Variants in PRKAG2 observed in about 807,000 individuals in gnomAD.
PRKAG2 encodes the protein protein kinase AMP-activated non-catalytic subunit gamma 2.
Under a neutral mutation model 69.6 loss-of-function variants are expected in PRKAG2, and 26 were observed. The ratio of observed to expected loss-of-function variants is 0.37; its 90% CI spans 0.27 to 0.52. The LOEUF is 0.52. Ranked by LOEUF, PRKAG2 falls within the 20% of genes least tolerant of loss-of-function variation. The pLI is 0.90. For missense variants in PRKAG2, 557 were observed against 740.0 expected, an observed-to-expected ratio of 0.75 and a Z score of 2.87; for synonymous variants, 293 against 285.0, an observed-to-expected ratio of 1.03 and a Z score of -0.28.
intron 1 of PRKAG2, among the ~76,000 whole-genome samples, chr7:151,802,958 A>G (rs751726402): frequency 7.6e-5 from 10 of 132,370 alleles, no homozygotes; most frequent in Non-Finnish European, 1.2e-4. Flanking sequence ...TGATATATAT[A>G]TATATTTTTT....
chr7:151,839,271 G>C (rs1375737336), intron 1 of PRKAG2, among the ~76,000 whole-genome samples: 1 of 152,218 alleles, frequency 6.6e-6, no homozygotes, highest in Non-Finnish European at 1.5e-5. Context: ...GCCTGCAGAA[G>C]GAAGGAAAGT....
intron 3 of PRKAG2, among the ~76,000 whole-genome samples, chr7:151,778,918 C>T (rs1334186078): frequency 6.6e-6 from 1 of 151,400 alleles, no homozygotes; most frequent in African/African-American, 2.5e-5. Context: ...TGTGTACACA[C>T]ATACATATAT....
rs1026761226 is a variant in PRKAG2, at chr7:151,807,246, C to T, written c.115-20705G>A. The T allele has an allele frequency of 1.6e-5, 6 of 374,428 alleles. No homozygotes were observed. The highest frequency in any genetic ancestry group is 3.3e-5 in the Admixed American group (1 of 30,588). The allele number at this position is 374,428 out of a possible 1,614,324, so 23.2% of individuals were successfully genotyped here. On this transcript the variant is annotated intron_variant, in intron 1 of 15. Coordinates refer to ENST00000287878, the MANE Select transcript of PRKAG2 (RefSeq NM_016203.4). The surrounding 1 kb of genome is among the most constrained non-coding windows in gnomAD (Gnocchi z 4.4). ...GTAAATCACACCTCAATAAAGCTGACCAAAAAGTGGCCAGTCAGCCACCAG... is the reference window on the plus strand; with the variant it reads ...GTAAATCACACCTCAATAAAGCTGATCAAAAAGTGGCCAGTCAGCCACCAG...
In PRKAG2 at chr7:151,807,751, G is replaced by A. The variant is rs369074263; in HGVS notation, c.115-21210C>T. On this transcript the variant is annotated intron_variant, in intron 1 of 15. Transcript: ENST00000287878. The surrounding 1 kb of genome is among the most constrained non-coding windows in gnomAD (Gnocchi z 4.4). ...CAGAGGAAGCCAGGAGCGAGAACTC[G>A]TGCATCCGAACCCTTCTCTGACTTG... is the stretch of plus-strand genomic sequence containing the variant. The A allele has an allele frequency of 7.5e-4, 287 of 382,266 alleles. 3 individuals are homozygous for A. The highest frequency in any genetic ancestry group is 4.9e-3 in the African/African-American group (236 of 47,958). 23.7% of individuals were successfully genotyped at this position (382,266 alleles called of 1,614,324 possible). A position where few individuals can be genotyped will look rare whatever the true frequency, so the allele number is the denominator to read the frequency against.
chr7:151,763,820 C>A (rs756224185), intron 3 of PRKAG2, among the ~76,000 whole-genome samples: 23 of 152,258 alleles, frequency 1.5e-4, no homozygotes, highest in Non-Finnish European at 2.6e-4. Context: ...GCTATAGCTG[C>A]TGCCTGTGTC....
At chr7:151,862,717 C>T (rs545743498) in intron 1 of PRKAG2, among the ~76,000 whole-genome samples, 3 of 152,184 alleles carry the variant, frequency 2.0e-5, no homozygotes, top group South Asian at 4.1e-4. Context: ...GACGCGGTGC[C>T]GTGGATGCCG....
chr7:151,695,723 A>C (rs1417191571), intron 3 of PRKAG2, among the ~76,000 whole-genome samples: 1 of 152,222 alleles, frequency 6.6e-6, no homozygotes, highest in East Asian at 1.9e-4. Context: ...CCTGGGCAGC[A>C]GGGTGGCGTT....
rs189421967 is a variant in PRKAG2, at chr7:151,567,568, G to A, written c.1233+1148C>T. Among the ~76,000 whole-genome samples the A allele has an allele frequency of 2.6e-5, 4 of 152,006 alleles. No homozygotes were observed. Among genetic ancestry groups the A allele is most frequent in the Non-Finnish European group, 5.9e-5 (4 of 68,010 alleles). On this transcript the variant is annotated intron_variant, in intron 11 of 15. Coordinates refer to ENST00000287878, the MANE Select transcript of PRKAG2 (RefSeq NM_016203.4). The surrounding 1 kb of genome is among the most constrained non-coding windows in gnomAD (Gnocchi z 4.2). ...CCTATTAAACTTCAACTACTAAAGC[G>A]GCTGCATTCCCAGATGTCCAGTCTG... is the stretch of plus-strand genomic sequence containing the variant.
At chr7:151,642,964 T>C (rs1001000794) in intron 4 of PRKAG2, among the ~76,000 whole-genome samples, 4 of 152,216 alleles carry the variant, frequency 2.6e-5, no homozygotes, top group African/African-American at 9.7e-5. Context: ...TGAACGAACA[T>C]GTGCTAGCAT....
In PRKAG2 at chr7:151,614,106, C is replaced by T. The variant is rs907058950; in HGVS notation, c.754+17963G>A. 6.6e-6 allele frequency among the ~76,000 whole-genome samples: 1 copy of T among 152,136 alleles called. No homozygotes were observed. The highest frequency in any genetic ancestry group is 1.5e-5 in the Non-Finnish European group (1 of 68,008). On this transcript the variant is annotated intron_variant, in intron 5 of 15. Coordinates refer to ENST00000287878, the MANE Select transcript of PRKAG2 (RefSeq NM_016203.4). This position sits in a 1 kb window ranked among gnomAD's most constrained non-coding sequence, Gnocchi z 4.4. ...ACCAACTCTCTGGTCTCACTGGAGC[C>T]GACCAGGAGGTGCCCCGTTCCCACG...
intron 1 of PRKAG2, among the ~76,000 whole-genome samples, chr7:151,841,846 G>T (rs1227453118): frequency 2.7e-5 from 4 of 149,720 alleles, no homozygotes; most frequent in East Asian, 4.0e-4. Context: ...GGTAGGTAGT[G>T]ATGGGTAGTG....
rs1584891880 is a variant in PRKAG2 at position 151,557,056 on chromosome 7, C to T, written c.*145G>A. The T allele has an allele frequency of 1.5e-6, 2 of 1,372,970 alleles. No individual in the cohort carries two copies. The highest frequency in any genetic ancestry group is 4.6e-5 in the East Asian group (2 of 43,030). 85.0% of individuals were successfully genotyped at this position (1,372,970 alleles called of 1,614,324 possible). A position where few individuals can be genotyped will look rare whatever the true frequency, so the allele number is the denominator to read the frequency against. On this transcript the variant is annotated 3_prime_UTR_variant, in exon 16 of 16. Transcript: ENST00000287878. Reference sequence around the variant, plus strand: ...GCACATAAAATCTTTCTTTTTTAAGCTTAATTTCAACATCACTGGAAGAAA... The same window carrying T: ...GCACATAAAATCTTTCTTTTTTAAGTTTAATTTCAACATCACTGGAAGAAA...
chr7:151,645,119 C>T (rs944853838), intron 4 of PRKAG2, among the ~76,000 whole-genome samples: 64 of 152,196 alleles, frequency 4.2e-4, no homozygotes, highest in African/African-American at 1.5e-3. Context: ...GTGTATCCCT[C>T]TTCTTGAGTG....
intron 3 of PRKAG2, among the ~76,000 whole-genome samples, chr7:151,687,853 C>A (rs367785395): frequency 3.5e-4 from 54 of 152,344 alleles, no homozygotes; most frequent in African/African-American, 1.3e-3. Context: ...TCGCACCAGG[C>A]GAGGTGGGTG....
chr7:151,850,011 C>T lies in PRKAG2; in HGVS notation c.114+26496G>A, dbSNP rs1277136193. 1.3e-5 allele frequency among the ~76,000 whole-genome samples: 2 copies of T among 152,160 alleles called. No individual in the cohort carries two copies. The highest frequency in any genetic ancestry group is 1.9e-4 in the East Asian group (1 of 5,194). ...AGCCCGCAGCACGTTTGCCATTTTCCGGAGCGTGCTGTAGCTAGGCACAGA... is the reference window on the plus strand; with the variant it reads ...AGCCCGCAGCACGTTTGCCATTTTCTGGAGCGTGCTGTAGCTAGGCACAGA... On this transcript the variant is annotated intron_variant, in intron 1 of 15. Coordinates refer to ENST00000287878, the MANE Select transcript of PRKAG2 (RefSeq NM_016203.4). The surrounding 1 kb of genome is among the most constrained non-coding windows in gnomAD (Gnocchi z 4.1).
chr7:151,744,200 G>A (rs182713723), intron 3 of PRKAG2, among the ~76,000 whole-genome samples: 7 of 152,282 alleles, frequency 4.6e-5, no homozygotes, highest in South Asian at 2.1e-4. Context: ...CAAAACATGC[G>A]AGTAAACCCT....
intron 1 of PRKAG2, among the ~76,000 whole-genome samples, chr7:151,827,532 C>G (rs1397852405): frequency 1.3e-5 from 2 of 152,140 alleles, no homozygotes; most frequent in Non-Finnish European, 2.9e-5. Flanking sequence ...AGCCACTGCA[C>G]CCAGCCGGAA....
intron 1 of PRKAG2, among the ~76,000 whole-genome samples, chr7:151,797,071 C>G (rs1049636179): frequency 6.6e-6 from 1 of 152,184 alleles, no homozygotes; most frequent in East Asian, 1.9e-4. Context: ...GGCCAGCCAG[C>G]TGCAGACACA....
rs730880983 is a variant in PRKAG2, at chr7:151,557,206, C to T, written c.1705G>A (p.Glu569Lys). 1 of 1,614,154 alleles carries T rather than the reference C, an allele frequency of 6.2e-7. No individual in the cohort carries two copies. The highest frequency in any genetic ancestry group is 1.1e-5 in the South Asian group (1 of 91,078). Residue 569 changes from glutamate to lysine, a missense_variant, in exon 16 of 16, where the codon GAG (glutamate) becomes AAG (lysine). Physicochemically the swap from Glu to Lys is moderately conservative, Grantham distance 56. Around this residue, in one of 2 missense-constraint regions of PRKAG2, gnomAD observed 205 missense variants for 383.4 expected, o/e 0.53. Coordinates refer to ENST00000287878, the MANE Select transcript of PRKAG2 (RefSeq NM_016203.4). ...AGAKQKETET[E>K] Reference sequence around the variant, plus strand: ...GGCGTCTACATTCACGGCGGTCACTCCGTTTCTGTCTCCTTTTGTTTGGCA... The same window carrying T: ...GGCGTCTACATTCACGGCGGTCACTTCGTTTCTGTCTCCTTTTGTTTGGCA...
Sources: gnomAD v4.1 joint callset for allele counts (sites outside exome capture counted in the v4.1 genomes callset) on GRCh38, gnomAD v4.1.1 for gene constraint, gnomAD v4.1.1 regional missense constraint, Gnocchi (gnomAD v3.1) non-coding constraint, MANE v1.5 for transcripts, NCBI Gene and HGNC (gene_info 2026-07-23, HGNC 2026-07-21) for gene names.